Variants in MAN1A1 observed in about 807,000 individuals in gnomAD.
MAN1A1 encodes mannosidase alpha class 1A member 1.
In MAN1A1, 29 loss-of-function variants were observed where a neutral mutation model predicts 70.8. The observed-to-expected ratio is 0.41, with a 90% CI of 0.31 to 0.56. The LOEUF is 0.56. MAN1A1 is among the 20% of genes least tolerant of loss of function. The pLI, the probability that MAN1A1 is intolerant of heterozygous loss-of-function variation, is 0.29. For synonymous variants in MAN1A1, 349 were observed against 330.1 expected (o/e 1.06, Z -0.62); for missense variants, 747 against 841.3 (o/e 0.89, Z 1.39).
intron 2 of MAN1A1, among the ~76,000 whole-genome samples, chr6:119,318,936 G>A (rs922702878): frequency 2.0e-5 from 3 of 152,132 alleles, no homozygotes; most frequent in African/African-American, 7.2e-5. Context: ...TTACTGAAAA[G>A]AGACATATTG....
chr6:119,325,291 CCTAA>C (rs59165877), intron 2 of MAN1A1, among the ~76,000 whole-genome samples: 46,430 of 151,744 alleles, frequency 0.31, 7,624 homozygotes, highest in Non-Finnish European at 0.37. Context: ...AGTTTTTGCT[CCTAA>C]CTTTTACACT....
chr6:119,349,210 C>A lies in MAN1A1; in HGVS notation c.-145G>T. 8.2e-7 allele frequency: 1 copy of A among 1,216,710 alleles called. No individual in the cohort carries two copies. The highest frequency in any genetic ancestry group is 3.3e-5 in the East Asian group (1 of 29,982). 75.4% of individuals were successfully genotyped at this position (1,216,710 alleles called of 1,614,324 possible). A position where few individuals can be genotyped will look rare whatever the true frequency, so the allele number is the denominator to read the frequency against. On this transcript the variant is annotated 5_prime_UTR_variant, in exon 2 of 13. Transcript: ENST00000368468. ...GGGCTGCGGATCCTCCCTGGGGGAA[C>A]AACTCCGCGCCGGGTCTTCTCCCCG...
At chr6:119,292,819 G>A (rs904325733) in intron 4 of MAN1A1, among the ~76,000 whole-genome samples, 3 of 151,952 alleles carry the variant, frequency 2.0e-5, no homozygotes, top group Admixed American at 2.0e-4. Flanking sequence ...ATTTAACTTT[G>A]AGGTCTATCA....
At chr6:119,297,946 G>A (rs1269730831) in intron 4 of MAN1A1, among the ~76,000 whole-genome samples, 1 of 151,798 alleles carries the variant, frequency 6.6e-6, no homozygotes, top group Non-Finnish European at 1.5e-5. Flanking sequence ...CACCACGCCT[G>A]GCCAAATAGT....
At chr6:119,186,525 A>G (rs1483984016) in intron 11 of MAN1A1, among the ~76,000 whole-genome samples, 1 of 152,226 alleles carries the variant, frequency 6.6e-6, no homozygotes, top group Non-Finnish European at 1.5e-5. Flanking sequence ...CATGCATTCC[A>G]GAATGATTCT....
intron 2 of MAN1A1, among the ~76,000 whole-genome samples, chr6:119,328,328 G>T (rs1460349704): frequency 6.6e-6 from 1 of 152,172 alleles, no homozygotes. Flanking sequence ...AAACAGTTGT[G>T]CATCCGCTCA....
intron 2 of MAN1A1, among the ~76,000 whole-genome samples, chr6:119,324,860 T>C (rs1040251832): frequency 6.6e-6 from 1 of 152,120 alleles, no homozygotes; most frequent in African/African-American, 2.4e-5. Context: ...TGGATAAGCC[T>C]GTGTTTGGGG....
rs1165641612 is a variant in MAN1A1, at chr6:119,204,746, T to G, written c.1116+13A>C. The stretch of plus-strand genomic sequence containing the variant: ...TGTTGCTTTGCAGGCCAAGGCACAT[T>G]GAAGAATCTCACCTTTTCAGCAAAG... On this transcript the variant is annotated intron_variant, in intron 7 of 12. Transcript: ENST00000368468. 9.3e-6 allele frequency: 15 copies of G among 1,613,728 alleles called. No homozygotes were observed. The highest frequency in any genetic ancestry group is 3.3e-5 in the Admixed American group (2 of 59,984).
chr6:119,333,077 T>G (rs1035458752), intron 2 of MAN1A1, among the ~76,000 whole-genome samples: 3 of 152,150 alleles, frequency 2.0e-5, no homozygotes, highest in African/African-American at 7.2e-5. Context: ...AATCAGCCCC[T>G]GAAAATGCTG....
chr6:119,218,665 C>T lies in MAN1A1; in HGVS notation c.993-13783G>A, dbSNP rs11969638. ...GGGTTTTGAGTACACCAGCTTTTCT[C>T]CCACATCTCAAAGCTGTGCATGTTA... On this transcript the variant is annotated intron_variant, in intron 6 of 12. Coordinates refer to ENST00000368468, the MANE Select transcript of MAN1A1 (RefSeq NM_005907.4). 8.0e-3 allele frequency among the ~76,000 whole-genome samples: 1,224 copies of T among 152,116 alleles called. 8 individuals are homozygous for T. The highest frequency in any genetic ancestry group is 0.034 in the Middle Eastern group (10 of 292).
At chr6:119,325,561 G>T (rs933855214) in intron 2 of MAN1A1, among the ~76,000 whole-genome samples, 1 of 152,122 alleles carries the variant, frequency 6.6e-6, no homozygotes, top group Non-Finnish European at 1.5e-5. Context: ...GGAGGCTGAG[G>T]CAGGAGAATC....
chr6:119,304,040 A>C (rs1044793154), intron 3 of MAN1A1, among the ~76,000 whole-genome samples: 1 of 152,216 alleles, frequency 6.6e-6, no homozygotes, highest in African/African-American at 2.4e-5. Flanking sequence ...TACACTTCCT[A>C]TATGTAATTA....
chr6:119,318,709 T>C (rs555488058), intron 2 of MAN1A1, among the ~76,000 whole-genome samples: 3 of 152,342 alleles, frequency 2.0e-5, no homozygotes, highest in African/African-American at 7.2e-5. Context: ...TGAGTATCTC[T>C]TACTTCTGTA....
chr6:119,185,459 G>T (rs562541344), intron 11 of MAN1A1, among the ~76,000 whole-genome samples: 3 of 152,270 alleles, frequency 2.0e-5, no homozygotes, highest in African/African-American at 7.2e-5. Flanking sequence ...ATAGGAAGAC[G>T]GCTTACAAAT....
At chr6:119,259,628 T>C (rs1247669822) in intron 5 of MAN1A1, among the ~76,000 whole-genome samples, 5 of 152,142 alleles carry the variant, frequency 3.3e-5, no homozygotes, top group East Asian at 1.9e-4. Flanking sequence ...ACAGAGTATA[T>C]AGTTTTATTT....
At chr6:119,296,580 T>C (rs780829928) in intron 4 of MAN1A1, among the ~76,000 whole-genome samples, 2 of 152,082 alleles carry the variant, frequency 1.3e-5, no homozygotes, top group Non-Finnish European at 2.9e-5. Flanking sequence ...TACTCAGTCA[T>C]GCATTTGAGA....
chr6:119,282,073 C>CAA (rs553795663), intron 5 of MAN1A1, among the ~76,000 whole-genome samples: 3 of 151,908 alleles, frequency 2.0e-5, no homozygotes, highest in African/African-American at 7.3e-5. Flanking sequence ...TCTCAGAAAA[C>CAA]AAACAAAACA....
At chr6:119,293,918 G>A (rs1034530196) in intron 4 of MAN1A1, among the ~76,000 whole-genome samples, 2 of 152,150 alleles carry the variant, frequency 1.3e-5, no homozygotes, top group East Asian at 1.9e-4. Context: ...TTTGTCATAC[G>A]TAGAAAGGGA....
intron 4 of MAN1A1, among the ~76,000 whole-genome samples, chr6:119,291,303 C>A (rs1052422377): frequency 6.6e-6 from 1 of 151,992 alleles, no homozygotes; most frequent in Non-Finnish European, 1.5e-5. Flanking sequence ...TGAGGCCTCC[C>A]CAGCCATGTG....
Sources: gnomAD v4.1 joint callset for allele counts (sites outside exome capture counted in the v4.1 genomes callset) on GRCh38, gnomAD v4.1.1 for gene constraint, MANE v1.5 for transcripts, NCBI Gene and HGNC (gene_info 2026-07-23, HGNC 2026-07-21) for gene names.